The following SMYD3 variants were observed in gnomAD, a reference collection of about 807,000 sequenced individuals.
SMYD3 encodes SET and MYND domain containing 3, also known as histone-lysine N-methyltransferase SMYD3.
SMYD3 carries 36 observed loss-of-function variants against 57.7 expected under a neutral mutation model. That is an observed-to-expected ratio of 0.62 (90% CI 0.48 to 0.82). The LOEUF is 0.82. Among genes scored for constraint, SMYD3 ranks in the 40% least tolerant of loss-of-function variants. The pLI, the probability that SMYD3 is intolerant of heterozygous loss-of-function variation, is 0.00. For missense variants in SMYD3, 515 were observed against 538.8 expected, an observed-to-expected ratio of 0.96 and a Z score of 0.44; for synonymous variants, 211 against 195.0, an observed-to-expected ratio of 1.08 and a Z score of -0.68.
chr1:246,460,125 TC>T (rs556396238), intron 1 of SMYD3, among the ~76,000 whole-genome samples: 70 of 152,344 alleles, frequency 4.6e-4, no homozygotes, highest in African/African-American at 1.6e-3. Flanking sequence ...GGTTTCTATT[TC>T]CTGCAAACAA....
chr1:246,190,272 A>C (rs1320927143), intron 5 of SMYD3, among the ~76,000 whole-genome samples: 1 of 152,172 alleles, frequency 6.6e-6, no homozygotes, highest in Non-Finnish European at 1.5e-5. Flanking sequence ...GCGTATACTT[A>C]AGAGTTTTAT....
intron 10 of SMYD3, among the ~76,000 whole-genome samples, chr1:245,843,793 T>A (rs554742804): frequency 1.5e-4 from 23 of 152,170 alleles, no homozygotes; most frequent in African/African-American, 5.3e-4. Flanking sequence ...TGGAGCTGAG[T>A]TAGTTTGTTT....
intron 1 of SMYD3, among the ~76,000 whole-genome samples, chr1:246,376,450 G>A (rs1352503276): frequency 2.0e-5 from 3 of 151,420 alleles, no homozygotes; most frequent in Non-Finnish European, 4.4e-5. Context: ...AATTAGCCAG[G>A]CGTGGTGGCA....
chr1:246,182,527 T>C (rs1440125231), intron 5 of SMYD3, among the ~76,000 whole-genome samples: 1 of 152,166 alleles, frequency 6.6e-6, no homozygotes, highest in Non-Finnish European at 1.5e-5. Flanking sequence ...GGTCCTCACC[T>C]AGATATATGA....
Position 245,971,685 on chromosome 1 carries a change from C to T in SMYD3, c.532-41748G>A, listed in dbSNP as rs142067651. ...TTTATCTCTAAATCTCTGGAGCCTA[C>T]CTTGGTGCCTGGTACATAGCAGTCA... On this transcript the variant is annotated intron_variant, in intron 5 of 11. Transcript: ENST00000490107. Among the ~76,000 whole-genome samples, 442 of 152,272 alleles carry T rather than the reference C, an allele frequency of 2.9e-3. 3 individuals are homozygous for T. The highest frequency in any genetic ancestry group is 9.5e-3 in the African/African-American group (396 of 41,536).
intron 1 of SMYD3, among the ~76,000 whole-genome samples, chr1:246,474,067 GCTTA>G (rs1478744931): frequency 6.6e-6 from 1 of 152,104 alleles, no homozygotes; most frequent in Non-Finnish European, 1.5e-5. Flanking sequence ...CCTATAACAT[GCTTA>G]CTAATAGTTA....
At position 246,355,149 on chromosome 1, in the gene SMYD3, T is replaced by C. The variant is rs2148705825; in HGVS notation, c.165-55A>G. On this transcript the variant is annotated intron_variant, in intron 1 of 11. Coordinates refer to ENST00000490107, the MANE Select transcript of SMYD3 (RefSeq NM_001167740.2). The surrounding 1 kb of genome is among the most constrained non-coding windows in gnomAD (Gnocchi z 5.0). ...AGAAATGAGTGGGAAACATAGTACA[T>C]AGTTGAAGAAAGAAAACATAAGTCA... The C allele has an allele frequency of 3.9e-6, 6 of 1,535,604 alleles. No homozygotes were observed. Among genetic ancestry groups the C allele is most frequent in the East Asian group, 2.2e-5 (1 of 44,494 alleles).
chr1:245,751,622 A>AAGAGAGAGAGAGAGAAAAAG (rs1558299463), intron 11 of SMYD3, among the ~76,000 whole-genome samples: 3 of 131,146 alleles, frequency 2.3e-5, no homozygotes, highest in East Asian at 2.5e-4. Context: ...GAGAGAGAAA[A>AAGAGAGAGAGAGAGAAAAAG]AGAGAGAGAG....
At chr1:246,439,105 CGGGG>C (rs35839272) in intron 1 of SMYD3, among the ~76,000 whole-genome samples, 87 of 125,298 alleles carry the variant, frequency 6.9e-4, no homozygotes, top group African/African-American at 2.6e-3. Flanking sequence ...TTGTTATTTT[CGGGG>C]GGGGGGGTTC....
chr1:245,919,640 G>A (rs889596310), intron 7 of SMYD3, among the ~76,000 whole-genome samples: 2 of 152,162 alleles, frequency 1.3e-5, no homozygotes, highest in African/African-American at 2.4e-5. Context: ...AACTGGTAAT[G>A]ACAGCTAAAA....
intron 5 of SMYD3, among the ~76,000 whole-genome samples, chr1:246,144,822 C>G (rs1051743558): frequency 2.6e-5 from 4 of 152,098 alleles, no homozygotes; most frequent in Non-Finnish European, 5.9e-5. Flanking sequence ...GCACCATGTT[C>G]CCACTTCACA....
chr1:246,045,410 G>T lies in SMYD3; in HGVS notation c.532-115473C>A, dbSNP rs2059946330. ...GATTCCCTATTTAATAAATGGTGCTGGGAAAACTGGCTAGCCATATGTAGA... is the reference window on the plus strand; with the variant it reads ...GATTCCCTATTTAATAAATGGTGCTTGGAAAACTGGCTAGCCATATGTAGA... On this transcript the variant is annotated intron_variant, in intron 5 of 11. Coordinates refer to ENST00000490107, the MANE Select transcript of SMYD3 (RefSeq NM_001167740.2). Among the ~76,000 whole-genome samples the T allele has an allele frequency of 2.6e-5, 4 of 152,174 alleles. No individual in the cohort carries two copies. The South Asian group carries it at 8.3e-4, about 32-fold the overall frequency.
At chr1:245,846,328 G>A (rs564509676) in intron 10 of SMYD3, among the ~76,000 whole-genome samples, 29 of 152,326 alleles carry the variant, frequency 1.9e-4, no homozygotes, top group Admixed American at 1.8e-3. Flanking sequence ...ATTCTACTCT[G>A]CGTGAAGGTG....
Position 246,384,557 on chromosome 1 carries a change from GGC to G in SMYD3, c.165-29465_165-29464del, listed in dbSNP as rs1558436758. Among the ~76,000 whole-genome samples the G allele has an allele frequency of 1.6e-4, 24 of 151,602 alleles. 1 individual carries two copies. Among genetic ancestry groups the G allele is most frequent in the Non-Finnish European group, 3.0e-4 (20 of 67,788 alleles). ...ATTACAGGTGCCCGCCACCACGCCC[GGC>G]TAATTTTTTGTATTCTTAGTAGAGA... On this transcript the variant is annotated intron_variant, in intron 1 of 11. Transcript: ENST00000490107.
rs757995223 is a variant in SMYD3 at position 245,929,830 on chromosome 1, A to G, written c.599+40T>C. ...AGGGCTGGGGATTTGGGTGGGAATG[A>G]AAGTGTGTCTTCCAGTACATGAAGT... On this transcript the variant is annotated intron_variant, in intron 6 of 11. Coordinates refer to ENST00000490107, the MANE Select transcript of SMYD3 (RefSeq NM_001167740.2). The G allele has an allele frequency of 5.9e-6, 9 of 1,520,502 alleles. No individual in the cohort carries two copies. In the South Asian group the frequency reaches 9.0e-5, roughly 15 times the overall value. The allele number at this position is 1,520,502 out of a possible 1,614,324, so 94.2% of individuals were successfully genotyped here.
intron 10 of SMYD3, among the ~76,000 whole-genome samples, chr1:245,853,384 G>T (rs1215789741): frequency 6.6e-6 from 1 of 152,186 alleles, no homozygotes; most frequent in African/African-American, 2.4e-5. Flanking sequence ...ATGCGGGATT[G>T]GGAGAGGCAG....
chr1:246,456,466 T>C (rs1260472647), intron 1 of SMYD3, among the ~76,000 whole-genome samples: 5 of 152,150 alleles, frequency 3.3e-5, no homozygotes, highest in Admixed American at 3.3e-4. Context: ...CACCTGAATA[T>C]CTCACAGGCA....
rs779288807 is a variant in SMYD3, at chr1:245,858,631, C to T, written c.941G>A (p.Ser314Asn). 1 of 1,614,222 alleles carries T rather than the reference C, an allele frequency of 6.2e-7. No homozygotes were observed. The highest frequency in any genetic ancestry group is 8.5e-7 in the Non-Finnish European group (1 of 1,180,036). ...ATCGGGAAGCCGTTCAGAATTGCTG[C>T]TTATGATTGCCTGGCACATGGCCAG... ...QVLAMCQAII[S>N]SNSERLPDIN... The change falls in exon 10 of 12, where the codon AGC becomes AAC. Residue 314 changes from serine to asparagine, a missense_variant. Ser to Asn is a conservative substitution (Grantham distance 46). Transcript: ENST00000490107.
At chr1:246,377,555 G>C (rs1167655263) in intron 1 of SMYD3, among the ~76,000 whole-genome samples, 1 of 152,006 alleles carries the variant, frequency 6.6e-6, no homozygotes, top group African/African-American at 2.4e-5. Flanking sequence ...TTTTAGTAGA[G>C]ATAGGGTTTC....
Sources: allele counts gnomAD v4.1 joint callset (sites outside exome capture counted in the v4.1 genomes callset), GRCh38; gene constraint gnomAD v4.1.1; non-coding constraint Gnocchi (gnomAD v3.1); transcripts MANE v1.5; gene names NCBI Gene and HGNC (gene_info 2026-07-23, HGNC 2026-07-21).